Variants in VWA5A observed in about 807,000 individuals in gnomAD.
VWA5A encodes the protein von Willebrand factor A domain containing 5A.
VWA5A carries 77 observed loss-of-function variants against 84.6 expected under a neutral mutation model. The observed-to-expected ratio is 0.91, with a 90% CI of 0.76 to 1.10. VWA5A has a LOEUF of 1.10. VWA5A is among the 50% of genes least tolerant of loss of function. VWA5A has a pLI of 0.00. For synonymous variants in VWA5A, 334 were observed against 350.1 expected, an observed-to-expected ratio of 0.95 and a Z score of 0.51; for missense variants, 973 against 963.0, an observed-to-expected ratio of 1.01 and a Z score of -0.14.
chr11:124,136,064 C>A, intron 12 of VWA5A, 65 bp from the exon 13 acceptor site: 1 of 1,543,366 alleles, frequency 6.5e-7, no homozygotes. Context: ...TAATAAATGT[C>A]CAGTTAATTG....
At position 124,118,305 on chromosome 11, in the gene VWA5A, G is replaced by A. The variant is rs200271091; in HGVS notation, c.363G>A (p.Ser121=). The A allele has an allele frequency of 1.3e-4, 208 of 1,614,174 alleles. No homozygotes were observed. Among genetic ancestry groups the A allele is most frequent in the Non-Finnish European group, 1.7e-4 (202 of 1,180,034 alleles). Residue 121 remains serine (S), a synonymous_variant, in exon 5 of 19, where the codon TCG becomes TCA. Coordinates refer to ENST00000456829, the MANE Select transcript of VWA5A (RefSeq NM_001130142.2). ...SCNVGNLQPG[S]KAAVTLKYVQ... is the part of the protein sequence containing the mutation. ...ATGTGGGTAACCTCCAACCTGGGTC[G>A]AAGGCGGCAGTCACCCTGAAGTATG...
chr11:124,132,733 G>C (rs1406927507), intron 11 of VWA5A, among the ~76,000 whole-genome samples: 1 of 152,000 alleles, frequency 6.6e-6, no homozygotes, highest in Non-Finnish European at 1.5e-5. Context: ...TATCATATAA[G>C]TGTTTTCTAT....
intron 3 of VWA5A, 49 bp from the exon 4 acceptor site, chr11:124,117,624 G>A (rs2276049): frequency 0.19 from 299,349 of 1,613,794 alleles, 30,213 homozygotes; most frequent in Middle Eastern, 0.26. Flanking sequence ...GATCTACAAG[G>A]AGGCAATCTA....
At chr11:124,125,735 G>A (rs554655054) in intron 11 of VWA5A, among the ~76,000 whole-genome samples, 5 of 152,138 alleles carry the variant, frequency 3.3e-5, no homozygotes, top group African/African-American at 1.2e-4. Context: ...TTTTCTTATT[G>A]ATCTATATAG....
rs191159213 is a variant in VWA5A, at chr11:124,145,459, C to G, written c.2281+96C>G. The G allele has an allele frequency of 4.7e-3, 6,739 of 1,436,590 alleles. 15 individuals are homozygous for G. Among genetic ancestry groups the G allele is most frequent in the Non-Finnish European group, 5.5e-3 (5,944 of 1,083,622 alleles). The allele number at this position is 1,436,590 out of a possible 1,614,324, so 89.0% of individuals were successfully genotyped here. A position where few individuals can be genotyped will look rare whatever the true frequency, so the allele number is the denominator to read the frequency against. ...CCCATTGTCACCTGCCTCCACCATC[C>G]TGCTTCAGATCTTTACTAATCTTTC... On this transcript the variant is annotated intron_variant, in intron 18 of 18. Transcript: ENST00000456829.
intron 7 of VWA5A, among the ~76,000 whole-genome samples, chr11:124,120,018 T>C (rs55875010): frequency 0.051 from 7,830 of 152,218 alleles, 663 homozygotes; most frequent in African/African-American, 0.18. Flanking sequence ...CTTTTCGAGA[T>C]ATAATATATG....
chr11:124,116,917 A>T (rs1180070417), intron 2 of VWA5A, among the ~76,000 whole-genome samples: 1 of 152,206 alleles, frequency 6.6e-6, no homozygotes, highest in African/African-American at 2.4e-5. Flanking sequence ...GCAGGAGTCC[A>T]TCTTGAATCA....
At chr11:124,128,280 C>T (rs945341482) in intron 11 of VWA5A, among the ~76,000 whole-genome samples, 1 of 152,104 alleles carries the variant, frequency 6.6e-6, no homozygotes, top group Non-Finnish European at 1.5e-5. Flanking sequence ...ATCCTTTCTC[C>T]ATTACTTGTT....
intron 2 of VWA5A, 150 bp from the exon 3 acceptor site, chr11:124,117,347 T>C: frequency 2.7e-6 from 2 of 745,904 alleles, no homozygotes; most frequent in African/African-American, 1.7e-5. Context: ...ACTGAAATCT[T>C]TGTCTCCTTT....
chr11:124,130,251 A>T (rs1178404714), intron 11 of VWA5A, among the ~76,000 whole-genome samples: 1 of 152,180 alleles, frequency 6.6e-6, no homozygotes, highest in African/African-American at 2.4e-5. Flanking sequence ...GTGGTCATTC[A>T]GGAGCAGTTG....
intron 11 of VWA5A, among the ~76,000 whole-genome samples, chr11:124,131,207 A>G (rs1268347664): frequency 6.6e-6 from 1 of 152,146 alleles, no homozygotes; most frequent in Non-Finnish European, 1.5e-5. Context: ...TTTATAAATT[A>G]TAAATATCTA....
At chr11:124,126,876 A>G (rs1591359869) in intron 11 of VWA5A, among the ~76,000 whole-genome samples, 2 of 152,296 alleles carry the variant, frequency 1.3e-5, no homozygotes, top group East Asian at 1.9e-4. Flanking sequence ...AGGGCAAACC[A>G]CAGATGTCAT....
At chr11:124,115,912 A>C (rs1864820564) in intron 1 of VWA5A, 1 of 152,284 alleles carries the variant, frequency 6.6e-6, no homozygotes, top group Non-Finnish European at 1.5e-5. Context: ...AGACCGACGC[A>C]GTCTCTTCTG....
intron 17 of VWA5A, 54 bp from the exon 18 acceptor site, chr11:124,145,183 G>C (rs1860796060): frequency 5.8e-6 from 9 of 1,550,290 alleles, no homozygotes; most frequent in Non-Finnish European, 7.8e-6. Flanking sequence ...GAAGCTTTTT[G>C]CATCCTTTTG....
intron 11 of VWA5A, among the ~76,000 whole-genome samples, chr11:124,128,526 G>C (rs1450188289): frequency 6.6e-6 from 1 of 152,122 alleles, no homozygotes; most frequent in Non-Finnish European, 1.5e-5. Flanking sequence ...GAAATTTAAA[G>C]TAGTTTTTTC....
chr11:124,138,254 A>G (rs111671982), intron 15 of VWA5A, among the ~76,000 whole-genome samples: 2,020 of 152,224 alleles, frequency 0.013, 47 homozygotes, highest in African/African-American at 0.045. Flanking sequence ...GGCTATTGTG[A>G]ATAGTGCTGA....
rs552193761 is a variant in VWA5A at position 124,146,092 on chromosome 11, T to C, written c.*147T>C. ...GGATGCTTACTCCACTTCGCTTCTC[T>C]GCTCCAGGTTCACTTTGGATATGAT... is the stretch of plus-strand genomic sequence containing the variant. On this transcript the variant is annotated 3_prime_UTR_variant, in exon 19 of 19. Transcript: ENST00000456829. The C allele has an allele frequency of 9.9e-5, 74 of 750,112 alleles. No individual in the cohort carries two copies. Among genetic ancestry groups the C allele is most frequent in the Middle Eastern group, 3.1e-4 (1 of 3,242 alleles). 46.5% of individuals were successfully genotyped at this position (750,112 alleles called of 1,614,324 possible).
chr11:124,121,832 C>T (rs1255840528), intron 7 of VWA5A, among the ~76,000 whole-genome samples: 2 of 152,226 alleles, frequency 1.3e-5, no homozygotes, highest in Non-Finnish European at 2.9e-5. Context: ...ATATCATACT[C>T]ATGCCACCCT....
At chr11:124,131,880 T>G (rs1037228243) in intron 11 of VWA5A, among the ~76,000 whole-genome samples, 1 of 151,962 alleles carries the variant, frequency 6.6e-6, no homozygotes, top group African/African-American at 2.4e-5. Flanking sequence ...GATCATATCC[T>G]TATTTTATTC....
Sources: allele counts gnomAD v4.1 joint callset (sites outside exome capture counted in the v4.1 genomes callset), GRCh38; gene constraint gnomAD v4.1.1; transcripts MANE v1.5; gene names NCBI Gene and HGNC (gene_info 2026-07-23, HGNC 2026-07-21).